STXBP5L: variants seen among roughly 807,000 people sequenced by gnomAD.
STXBP5L encodes syntaxin-binding protein 5-like.
STXBP5L carries 65 observed loss-of-function variants against 144.5 expected under a neutral mutation model. The ratio of observed to expected loss-of-function variants is 0.45; its 90% CI spans 0.37 to 0.55. The LOEUF (loss-of-function observed/expected upper bound fraction) is 0.55. Ranked by LOEUF, STXBP5L falls within the 20% of genes least tolerant of loss-of-function variation. The probability of loss-of-function intolerance (pLI) is 0.00; values close to 1 mark genes in which losing one functional copy is unlikely to be tolerated. For synonymous variants in STXBP5L, 505 were observed against 469.6 expected (o/e 1.08, Z -0.97); for missense variants, 1,298 against 1,405.5 (o/e 0.92, Z 1.22).
At chr3:121,367,033 C>T (rs1207187244) in intron 20 of STXBP5L, among the ~76,000 whole-genome samples, 1 of 152,100 alleles carries the variant, frequency 6.6e-6, no homozygotes, top group Non-Finnish European at 1.5e-5. Flanking sequence ...TACTTTACAG[C>T]TTCTTTCTCA....
chr3:121,187,589 A>C (rs13077967), intron 9 of STXBP5L, among the ~76,000 whole-genome samples: 3 of 124,742 alleles, frequency 2.4e-5, no homozygotes, highest in Non-Finnish European at 5.0e-5. Flanking sequence ...AGAAAAAAGA[A>C]CCATGAATGA....
At chr3:121,305,598 A>G (rs1263842812) in intron 19 of STXBP5L, among the ~76,000 whole-genome samples, 1 of 152,188 alleles carries the variant, frequency 6.6e-6, no homozygotes, top group Non-Finnish European at 1.5e-5. Context: ...ATAAAATTAG[A>G]TATTTTAAAA....
At chr3:121,318,669 A>G in intron 20 of STXBP5L, 129 bp downstream of exon 20, 1 of 549,532 alleles carries the variant, frequency 1.8e-6, no homozygotes, top group Non-Finnish European at 3.0e-6. Flanking sequence ...CATTAAATTT[A>G]CTGTAAGCAA....
At chr3:120,976,356 T>C (rs1161711772) in intron 3 of STXBP5L, among the ~76,000 whole-genome samples, 5 of 152,208 alleles carry the variant, frequency 3.3e-5, no homozygotes, top group Non-Finnish European at 7.3e-5. Flanking sequence ...TATTCTCTGA[T>C]AGTAGTTTGT....
At chr3:120,926,497 T>G (rs568167124) in intron 2 of STXBP5L, among the ~76,000 whole-genome samples, 1 of 152,146 alleles carries the variant, frequency 6.6e-6, no homozygotes. Context: ...TCTTTGACTA[T>G]TGAGAGTTTG....
At chr3:121,126,188 G>T (rs748736068) in intron 7 of STXBP5L, among the ~76,000 whole-genome samples, 1 of 152,068 alleles carries the variant, frequency 6.6e-6, no homozygotes, top group Non-Finnish European at 1.5e-5. Flanking sequence ...TCTCGATAAG[G>T]GACTGAAAAA....
At chr3:120,963,066 G>T (rs2107748601) in intron 3 of STXBP5L, among the ~76,000 whole-genome samples, 1 of 152,196 alleles carries the variant, frequency 6.6e-6, no homozygotes, top group East Asian at 1.9e-4. Context: ...TCATGATTTG[G>T]CTCTCTGTTT....
intron 11 of STXBP5L, among the ~76,000 whole-genome samples, chr3:121,223,802 T>C (rs2049041121): frequency 6.6e-6 from 1 of 152,086 alleles, no homozygotes; most frequent in South Asian, 2.1e-4. Flanking sequence ...TGATGAAATA[T>C]TTTAATAATG....
chr3:121,079,442 G>A (rs1017288673), intron 5 of STXBP5L, among the ~76,000 whole-genome samples: 3 of 152,222 alleles, frequency 2.0e-5, no homozygotes, highest in Non-Finnish European at 4.4e-5. Context: ...ACTGTCCACA[G>A]CGAGAAGACA....
intron 3 of STXBP5L, among the ~76,000 whole-genome samples, chr3:120,966,433 A>G (rs1939581920): frequency 2.0e-5 from 3 of 152,104 alleles, no homozygotes; most frequent in Admixed American, 6.6e-5. Flanking sequence ...TACCTTTGGT[A>G]TTTAATGCTG....
chr3:121,135,707 C>G (rs2045221528), intron 7 of STXBP5L, among the ~76,000 whole-genome samples: 1 of 152,164 alleles, frequency 6.6e-6, no homozygotes, highest in South Asian at 2.1e-4. Flanking sequence ...TGACTCTTCA[C>G]TTGCTTACCT....
chr3:121,029,933 A>G (rs1269890579), intron 3 of STXBP5L, among the ~76,000 whole-genome samples: 2 of 152,210 alleles, frequency 1.3e-5, no homozygotes, highest in Non-Finnish European at 2.9e-5. Context: ...AAAAAAGCTC[A>G]TCATCGCTGG....
intron 9 of STXBP5L, among the ~76,000 whole-genome samples, chr3:121,199,652 T>G (rs528481593): frequency 6.6e-6 from 1 of 152,340 alleles, no homozygotes; most frequent in African/African-American, 2.4e-5. Context: ...TTTACATATC[T>G]TCTATCAATA....
At chr3:121,289,757 C>A (rs2051360030) in intron 19 of STXBP5L, among the ~76,000 whole-genome samples, 2 of 152,092 alleles carry the variant, frequency 1.3e-5, no homozygotes, top group Non-Finnish European at 2.9e-5. Flanking sequence ...CCAAAAGGAA[C>A]CCTCAAAACT....
chr3:121,209,481 G>A lies in STXBP5L; in HGVS notation c.956+3480G>A, dbSNP rs926076208. On this transcript the variant is annotated intron_variant, in intron 10 of 26. Coordinates refer to ENST00000471454, the MANE Select transcript of STXBP5L (RefSeq NM_001308330.2). ...AAGTTCTAGGGTACATGTGCACAAC[G>A]TGCAGGTTTGTTACATATGTATACA... is the stretch of plus-strand genomic sequence containing the variant. 7.9e-5 allele frequency among the ~76,000 whole-genome samples: 12 copies of A among 151,494 alleles called. No individual in the cohort carries two copies. In the East Asian group the frequency reaches 1.4e-3, roughly 17 times the overall value.
intron 3 of STXBP5L, among the ~76,000 whole-genome samples, chr3:120,994,146 T>G (rs1049490309): frequency 1.3e-5 from 2 of 152,144 alleles, no homozygotes; most frequent in Non-Finnish European, 2.9e-5. Flanking sequence ...TTTTTTTTTG[T>G]CCTGCAACTT....
At chr3:120,951,652 A>G (rs1381712800) in intron 2 of STXBP5L, among the ~76,000 whole-genome samples, 2 of 152,066 alleles carry the variant, frequency 1.3e-5, no homozygotes, top group Non-Finnish European at 2.9e-5. Context: ...AAGTCAGGAA[A>G]CAACAGGTGC....
intron 11 of STXBP5L, 83 bp downstream of exon 11, chr3:121,223,240 T>C (rs1322417780): frequency 4.3e-6 from 6 of 1,390,978 alleles, no homozygotes. Flanking sequence ...TTAAATATTT[T>C]CAGATGTCTA....
chr3:120,973,288 T>G (rs370512717), intron 3 of STXBP5L, among the ~76,000 whole-genome samples: 37 of 152,126 alleles, frequency 2.4e-4, no homozygotes, highest in African/African-American at 8.9e-4. Context: ...TTCATCCTAG[T>G]TCAATCTCGG....
Sources: gnomAD v4.1 joint callset for allele counts (sites outside exome capture counted in the v4.1 genomes callset) on GRCh38, gnomAD v4.1.1 for gene constraint, MANE v1.5 for transcripts, NCBI Gene and HGNC (gene_info 2026-07-23, HGNC 2026-07-21) for gene names.